The following VTA1 variants were observed in gnomAD, a reference collection of about 807,000 sequenced individuals.
The protein encoded by VTA1 is vesicle trafficking 1.
Under a neutral mutation model 36.9 loss-of-function variants are expected in VTA1, and 24 were observed. The observed-to-expected ratio is 0.65, with a 90% CI of 0.47 to 0.91. VTA1 has a LOEUF of 0.91. Among genes scored for constraint, VTA1 ranks in the 40% least tolerant of loss-of-function variants. VTA1 has a pLI of 0.00. For missense variants in VTA1, 393 were observed against 377.2 expected (o/e 1.04, Z -0.35); for synonymous variants, 142 against 130.2 (o/e 1.09, Z -0.62).
In VTA1 at chr6:142,157,372, A is replaced by G. The variant is rs73581623; in HGVS notation, c.113-8856A>G. On this transcript the variant is annotated intron_variant, in intron 1 of 7. Coordinates refer to ENST00000367630, the MANE Select transcript of VTA1 (RefSeq NM_016485.5). The stretch of plus-strand genomic sequence containing the variant: ...CTTTTTTTTATTAATAAGCTTTCTC[A>G]GGGTACTTTACTGTAGCATTGACAA... 3.8e-3 allele frequency among the ~76,000 whole-genome samples: 571 copies of G among 152,266 alleles called. 3 individuals carry two copies. The highest frequency in any genetic ancestry group is 0.012 in the African/African-American group (495 of 41,558).
At chr6:142,150,507 G>T (rs1233478937) in intron 1 of VTA1, among the ~76,000 whole-genome samples, 2 of 152,040 alleles carry the variant, frequency 1.3e-5, no homozygotes, top group Non-Finnish European at 2.9e-5. Flanking sequence ...ATACTCTCAC[G>T]CATCCTGAGT....
At position 142,198,502 on chromosome 6, in the gene VTA1, C is replaced by T. The variant is rs1475679855; in HGVS notation, c.584C>T (p.Ser195Leu). ...SLPTQPTQPS[S>L]SSTYDPSNMP... ...CCCACTCAGCCAACTCAGCCATCAT[C>T]ATCTTCAACTTATGACCCAAGCAAC... Residue 195 changes from serine (S) to leucine (L), a missense_variant, in exon 6 of 8, where the codon TCA (serine) becomes TTA (leucine). Physicochemically the swap from Ser to Leu is moderately radical, Grantham distance 145. Transcript: ENST00000367630. The T allele has an allele frequency of 6.2e-7, 1 of 1,614,150 alleles. No homozygotes were observed.
chr6:142,210,566 T>C (rs1775884208), intron 7 of VTA1, among the ~76,000 whole-genome samples: 1 of 152,074 alleles, frequency 6.6e-6, no homozygotes, highest in South Asian at 2.1e-4. Context: ...TATAAGGAAC[T>C]CAGACAACTC....
intron 4 of VTA1, among the ~76,000 whole-genome samples, chr6:142,173,523 G>A (rs1363438206): frequency 2.0e-5 from 3 of 152,156 alleles, no homozygotes; most frequent in African/African-American, 7.2e-5. Flanking sequence ...CCCTCTCCTA[G>A]TTCTTATTTG....
intron 1 of VTA1, among the ~76,000 whole-genome samples, chr6:142,164,895 A>G (rs555070753): frequency 5.3e-5 from 8 of 152,330 alleles, no homozygotes; most frequent in African/African-American, 1.7e-4. Context: ...ATACATCAGC[A>G]AACCAAATAG....
chr6:142,156,847 T>C (rs925104030), intron 1 of VTA1, among the ~76,000 whole-genome samples: 2 of 152,196 alleles, frequency 1.3e-5, no homozygotes, highest in African/African-American at 4.8e-5. Context: ...TAACAATGGA[T>C]TTCTTTATTG....
intron 7 of VTA1, among the ~76,000 whole-genome samples, chr6:142,204,551 C>T (rs530417868): frequency 8.1e-4 from 123 of 152,156 alleles, no homozygotes; most frequent in African/African-American, 2.8e-3. Context: ...TACTACTTTT[C>T]TGATTTCTCT....
At chr6:142,160,153 T>C (rs1176431488) in intron 1 of VTA1, among the ~76,000 whole-genome samples, 2 of 152,178 alleles carry the variant, frequency 1.3e-5, no homozygotes, top group Non-Finnish European at 2.9e-5. Flanking sequence ...TTTGATTCTT[T>C]TGTGTATTGT....
rs1442177463 is a variant in VTA1 at position 142,222,598 on chromosome 6, C to CA, written c.*3956dup. On this transcript the variant is annotated 3_prime_UTR_variant, in exon 8 of 8. Transcript: ENST00000367630. ...CTTTTCTAAAGAAACACCCTAATAGCAGCATTGTACAAATATTTTCAACTC... is the reference window on the plus strand; with the variant it reads ...CTTTTCTAAAGAAACACCCTAATAGCAAGCATTGTACAAATATTTTCAACTC... 1 of 57,402 alleles carries CA rather than the reference C, an allele frequency of 1.7e-5. No individual in the cohort carries two copies. The highest frequency in any genetic ancestry group is 4.9e-5 in the African/African-American group (1 of 20,202). The allele number at this position is 57,402 out of a possible 1,614,324, so 3.6% of individuals were successfully genotyped here. A position where few individuals can be genotyped will look rare whatever the true frequency, so the allele number is the denominator to read the frequency against.
At chr6:142,207,600 C>T (rs984218570) in intron 7 of VTA1, among the ~76,000 whole-genome samples, 3 of 152,054 alleles carry the variant, frequency 2.0e-5, no homozygotes, top group South Asian at 2.1e-4. Context: ...GCTTATGGCG[C>T]CACCTAGAGC....
intron 4 of VTA1, among the ~76,000 whole-genome samples, chr6:142,172,071 C>T (rs2114647595): frequency 6.6e-6 from 1 of 152,210 alleles, no homozygotes; most frequent in South Asian, 2.1e-4. Flanking sequence ...AGTGCAGTGG[C>T]ACAATCTTGG....
At chr6:142,152,476 A>G (rs1365147515) in intron 1 of VTA1, among the ~76,000 whole-genome samples, 1 of 152,092 alleles carries the variant, frequency 6.6e-6, no homozygotes, top group East Asian at 1.9e-4. Context: ...TGTGAATTTA[A>G]TTTATAAAAA....
Position 142,220,907 on chromosome 6 carries a change from T to C in VTA1, c.*2264T>C, listed in dbSNP as rs1467992533. On this transcript the variant is annotated 3_prime_UTR_variant, in exon 8 of 8. Transcript: ENST00000367630. ...TCCCTCCCTCATAGAGTTTACATTC[T>C]AAAAGGGAGGAAATAGATAATAAAA... is the stretch of plus-strand genomic sequence containing the variant. 2 of 151,978 alleles carry C rather than the reference T, an allele frequency of 1.3e-5. No individual in the cohort carries two copies. Among genetic ancestry groups the C allele is most frequent in the Non-Finnish European group, 2.9e-5 (2 of 68,022 alleles). The allele number at this position is 151,978 out of a possible 1,614,324, so 9.4% of individuals were successfully genotyped here.
intron 2 of VTA1, among the ~76,000 whole-genome samples, chr6:142,168,389 T>G (rs73574203): frequency 0.011 from 1,696 of 152,264 alleles, 33 homozygotes; most frequent in African/African-American, 0.039. Context: ...TTTACTTTGC[T>G]GATTTTATGA....
At chr6:142,189,564 A>G (rs781372932) in intron 5 of VTA1, 30 bp downstream of exon 5, 1 of 1,552,290 alleles carries the variant, frequency 6.4e-7, no homozygotes, top group East Asian at 2.3e-5. Flanking sequence ...GAGTAAAAGG[A>G]CTTAGTAGAA....
chr6:142,170,178 CAGATT>C (rs1196854780), intron 3 of VTA1, among the ~76,000 whole-genome samples, 163 bp from the exon 4 acceptor site: 2 of 152,092 alleles, frequency 1.3e-5, no homozygotes, highest in Non-Finnish European at 2.9e-5. Flanking sequence ...CTCATAGTAA[CAGATT>C]AGAAAACCAT....
intron 7 of VTA1, among the ~76,000 whole-genome samples, chr6:142,210,609 TG>T (rs1451534438): frequency 6.6e-6 from 1 of 152,086 alleles, no homozygotes; most frequent in African/African-American, 2.4e-5. Context: ...AATTCAAAAA[TG>T]GGCAAAAGAT....
chr6:142,212,370 T>C (rs371703712), intron 7 of VTA1, among the ~76,000 whole-genome samples: 13 of 152,124 alleles, frequency 8.5e-5, no homozygotes, highest in East Asian at 5.8e-4. Flanking sequence ...TGAAAAGACA[T>C]GGAGGAAACT....
Position 142,203,994 on chromosome 6 carries a change from G to T in VTA1, c.707G>T (p.Ser236Ile). 1.2e-6 allele frequency: 2 copies of T among 1,613,330 alleles called. No individual in the cohort carries two copies. Among genetic ancestry groups the T allele is most frequent in the Non-Finnish European group, 1.7e-6 (2 of 1,179,536 alleles). Residue 236 changes from serine (S) to isoleucine (I), a missense_variant, in exon 7 of 8, where the codon AGT becomes ATT. By Grantham distance (142) the Ser-to-Ile change is moderately radical. Transcript: ENST00000367630. ...AEVPHSTGVA[S>I]NTIQPTPQTI... Reference sequence around the variant, plus strand: ...CTTTTCTGATTTGCAGGTGTAGCAAGTAATACTATCCAACCTACTCCACAG... The same window carrying T: ...CTTTTCTGATTTGCAGGTGTAGCAATTAATACTATCCAACCTACTCCACAG...
Sources: allele counts gnomAD v4.1 joint callset (sites outside exome capture counted in the v4.1 genomes callset), GRCh38; gene constraint gnomAD v4.1.1; transcripts MANE v1.5; gene names NCBI Gene and HGNC (gene_info 2026-07-23, HGNC 2026-07-21).